The following PRDM16 variants were observed in gnomAD, a reference collection of about 807,000 sequenced individuals.
PRDM16 encodes the protein PR/SET domain 16, also known as histone-lysine N-methyltransferase PRDM16.
PRDM16 carries 23 observed loss-of-function variants against 110.6 expected under a neutral mutation model. The observed-to-expected ratio is 0.21, with a 90% CI of 0.15 to 0.29. The LOEUF (loss-of-function observed/expected upper bound fraction) is 0.29, where lower values mean the gene tolerates loss of function less well. PRDM16 is among the 10% of genes least tolerant of loss of function. PRDM16 has a pLI of 1.00. For missense variants in PRDM16, 1,615 were observed against 1,794.3 expected (o/e 0.90, Z 1.81); for synonymous variants, 799 against 781.8 (o/e 1.02, Z -0.37).
intron 1 of PRDM16, among the ~76,000 whole-genome samples, chr1:3,121,160 C>T (rs1354802035): frequency 1.3e-5 from 2 of 152,144 alleles, no homozygotes; most frequent in African/African-American, 2.4e-5. Flanking sequence ...TCACGGAGCC[C>T]GCAGGTCACA....
In PRDM16 at chr1:3,265,330, C is replaced by T. The variant is rs74050815; in HGVS notation, c.438+21193C>T. On this transcript the variant is annotated intron_variant, in intron 3 of 16. Coordinates refer to ENST00000270722, the MANE Select transcript of PRDM16 (RefSeq NM_022114.4). This position sits in a 1 kb window ranked among gnomAD's most constrained non-coding sequence, Gnocchi z 4.5. ...GGTGTGGGTGGGAAGGGGCTGAAAA[C>T]GGACAGGAGCTAGAGGGCTAAGCTG... 0.02 allele frequency among the ~76,000 whole-genome samples: 3,072 copies of T among 152,068 alleles called. 116 individuals are homozygous for T. Among genetic ancestry groups the T allele is most frequent in the African/African-American group, 0.069 (2,876 of 41,476 alleles).
At chr1:3,291,026 G>T (rs903160028) in intron 3 of PRDM16, among the ~76,000 whole-genome samples, 1 of 151,814 alleles carries the variant, frequency 6.6e-6, no homozygotes, top group Admixed American at 6.6e-5. Context: ...CTTGTCTCCG[G>T]CTTGGAGGAG....
chr1:3,209,888 C>T lies in PRDM16; in HGVS notation c.387+23414C>T, dbSNP rs550744454. 6.9e-4 allele frequency among the ~76,000 whole-genome samples: 105 copies of T among 152,302 alleles called. No individual in the cohort carries two copies. Among genetic ancestry groups the T allele is most frequent in the African/African-American group, 1.2e-3 (49 of 41,570 alleles). ...TATTTGCCTCCTGATCTAAGGTTAA[C>T]GGGGACTTCCAAAAGGTGCACCTGT... On this transcript the variant is annotated intron_variant, in intron 2 of 16. Transcript: ENST00000270722. The surrounding 1 kb of genome is among the most constrained non-coding windows in gnomAD (Gnocchi z 4.6).
intron 1 of PRDM16, among the ~76,000 whole-genome samples, chr1:3,072,448 C>T (rs1480912632): frequency 6.6e-6 from 1 of 152,190 alleles, no homozygotes; most frequent in African/African-American, 2.4e-5. Flanking sequence ...AGTGTCCTCT[C>T]CACAAGTCCC....
At chr1:3,135,962 G>C (rs1002424520) in intron 1 of PRDM16, among the ~76,000 whole-genome samples, 1 of 152,144 alleles carries the variant, frequency 6.6e-6, no homozygotes, top group African/African-American at 2.4e-5. Flanking sequence ...GCTGGGGAGA[G>C]CCTGGGCGTC....
chr1:3,146,635 G>T (rs1254424285), intron 1 of PRDM16, among the ~76,000 whole-genome samples: 2 of 141,270 alleles, frequency 1.4e-5, no homozygotes, highest in African/African-American at 5.3e-5. Context: ...GCATGTGCTT[G>T]GTATGGGGTG....
In PRDM16 at chr1:3,417,962, C is replaced by T. The variant is rs766938036; in HGVS notation, c.2826C>T (p.Pro942=). The part of the protein sequence containing the change: ...FRSPPPTLSD[P]ILRKGKERYT... Reference sequence around the variant, plus strand: ...CCCCACCCCCAACGCTCTCCGACCCCATCCTCAGGAAGGGCAAGGAGCGAT... The same window carrying T: ...CCCCACCCCCAACGCTCTCCGACCCTATCCTCAGGAAGGGCAAGGAGCGAT... Residue 942 remains proline, a synonymous_variant, in exon 11 of 17, where the codon CCC becomes CCT. Transcript: ENST00000270722. 3 of 1,613,196 alleles carry T rather than the reference C, an allele frequency of 1.9e-6. No homozygotes were observed. The highest frequency in any genetic ancestry group is 8.5e-7 in the Non-Finnish European group (1 of 1,179,886).
At chr1:3,125,003 G>T (rs904522992) in intron 1 of PRDM16, among the ~76,000 whole-genome samples, 1 of 152,230 alleles carries the variant, frequency 6.6e-6, no homozygotes, top group Admixed American at 6.5e-5. Flanking sequence ...TGTCAGCTCC[G>T]CAGGAGCCCC....
At chr1:3,192,536 G>C (rs1569813647) in intron 2 of PRDM16, among the ~76,000 whole-genome samples, 1 of 152,174 alleles carries the variant, frequency 6.6e-6, no homozygotes, top group African/African-American at 2.4e-5. Flanking sequence ...GGTCCTATTG[G>C]AGGCTCTGCC....
chr1:3,262,956 T>C lies in PRDM16; in HGVS notation c.438+18819T>C, dbSNP rs140109889. On this transcript the variant is annotated intron_variant, in intron 3 of 16. Transcript: ENST00000270722. ...CAGCCAAGCACTGGATCCTTGAGAG[T>C]GAGTGATTGTGCCTCCGGCAGGGCC... Among the ~76,000 whole-genome samples, 36 of 151,964 alleles carry C rather than the reference T, an allele frequency of 2.4e-4. No individual in the cohort carries two copies. In the East Asian group the frequency reaches 6.0e-3, roughly 25 times the overall value.
At chr1:3,418,288 C>T (rs888650118) in intron 11 of PRDM16, among the ~76,000 whole-genome samples, 4 of 152,316 alleles carry the variant, frequency 2.6e-5, no homozygotes, top group Non-Finnish European at 4.4e-5. Flanking sequence ...CTAACCTCAG[C>T]GCTTGGAGGG....
At chr1:3,145,493 CA>C (rs1643630108) in intron 1 of PRDM16, among the ~76,000 whole-genome samples, 1 of 152,178 alleles carries the variant, frequency 6.6e-6, no homozygotes, top group Non-Finnish European at 1.5e-5. Context: ...GGAGAGTCCC[CA>C]GGGGAAGTTC....
chr1:3,374,958 G>A (rs1383895825), intron 3 of PRDM16, among the ~76,000 whole-genome samples: 5 of 152,240 alleles, frequency 3.3e-5, no homozygotes, highest in Non-Finnish European at 4.4e-5. Context: ...TTCGGTGTCC[G>A]GGCAGGGCTG....
At chr1:3,319,403 T>C (rs919778764) in intron 3 of PRDM16, among the ~76,000 whole-genome samples, 1 of 152,190 alleles carries the variant, frequency 6.6e-6, no homozygotes, top group African/African-American at 2.4e-5. Context: ...TTCTCCACCA[T>C]GAGCGGGTCA....
rs1031973454 is a variant in PRDM16, at chr1:3,157,701, G to A, written c.38-28424G>A. ...ATTCGCACCTGCTGGACTGGGAGGC[G>A]TCTCAGCAAATACCCACAGGAGGCT... On this transcript the variant is annotated intron_variant, in intron 1 of 16. Transcript: ENST00000270722. The surrounding 1 kb of genome is among the most constrained non-coding windows in gnomAD (Gnocchi z 4.8). Among the ~76,000 whole-genome samples the A allele has an allele frequency of 3.2e-4, 48 of 152,254 alleles. No homozygotes were observed. The highest frequency in any genetic ancestry group is 8.4e-4 in the African/African-American group (35 of 41,552).
intron 8 of PRDM16, among the ~76,000 whole-genome samples, chr1:3,406,221 G>A (rs1041107358): frequency 1.3e-5 from 2 of 152,174 alleles, no homozygotes; most frequent in African/African-American, 4.8e-5. Context: ...AAGCAAGGTG[G>A]CAGGCACAGC....
In PRDM16 at chr1:3,404,849, A is replaced by T. The variant is rs1053218634; in HGVS notation, c.995A>T (p.Asp332Val). The T allele has an allele frequency of 6.2e-7, 1 of 1,613,438 alleles. No individual in the cohort carries two copies. The highest frequency in any genetic ancestry group is 8.5e-7 in the Non-Finnish European group (1 of 1,179,974). ...CTCATCCGCCACCAGATGTCCCACG[A>T]CAGCGGCAAACGCTTCGAATGTGAA... ...SNLIRHQMSH[D>V]SGKRFECENC... Residue 332 changes from aspartate (D) to valine (V), a missense_variant, in exon 7 of 17, where the codon GAC (aspartate) becomes GTC (valine). Coordinates refer to ENST00000270722, the MANE Select transcript of PRDM16 (RefSeq NM_022114.4).
rs145167434 is a variant in PRDM16, at chr1:3,364,873, G to A, written c.439-20279G>A. ...GTTTTCGGGGACCCTGTGGTTTCTG[G>A]GTGCTGCTGTTCCCACCTGGCGAGC... On this transcript the variant is annotated intron_variant, in intron 3 of 16. Coordinates refer to ENST00000270722, the MANE Select transcript of PRDM16 (RefSeq NM_022114.4). 1.0e-2 allele frequency among the ~76,000 whole-genome samples: 1,517 copies of A among 152,302 alleles called. 31 individuals are homozygous for A. The highest frequency in any genetic ancestry group is 0.035 in the African/African-American group (1,449 of 41,572).
Position 3,435,195 on chromosome 1 carries a change from C to A in PRDM16, c.*1384C>A. 4.5e-6 allele frequency: 1 copy of A among 223,722 alleles called. No homozygotes were observed. The allele number at this position is 223,722 out of a possible 1,614,324, so 13.9% of individuals were successfully genotyped here. The stretch of plus-strand genomic sequence containing the variant: ...GCCAATTTCAAATAATAATTTTTTT[C>A]CCTGATGGAATTTACCTTAATCTGT... On this transcript the variant is annotated 3_prime_UTR_variant, in exon 17 of 17. Transcript: ENST00000270722.
Sources: gnomAD v4.1 joint callset for allele counts (sites outside exome capture counted in the v4.1 genomes callset) on GRCh38, gnomAD v4.1.1 for gene constraint, Gnocchi (gnomAD v3.1) non-coding constraint, MANE v1.5 for transcripts, NCBI Gene and HGNC (gene_info 2026-07-23, HGNC 2026-07-21) for gene names.